The following ARHGAP24 variants were observed in gnomAD, a reference collection of about 807,000 sequenced individuals.
ARHGAP24 encodes the protein rho GTPase-activating protein 24.
ARHGAP24 carries 50 observed loss-of-function variants against 76.4 expected under a neutral mutation model. That is an observed-to-expected ratio of 0.65 (90% CI 0.52 to 0.83). ARHGAP24 has a LOEUF of 0.83. ARHGAP24 is among the 40% of genes least tolerant of loss of function. The pLI is 0.00. For missense variants in ARHGAP24, 930 were observed against 914.2 expected (o/e 1.02, Z -0.22); for synonymous variants, 345 against 323.3 (o/e 1.07, Z -0.72).
At chr4:85,819,288 C>A (rs1271523891) in intron 3 of ARHGAP24, among the ~76,000 whole-genome samples, 1 of 152,182 alleles carries the variant, frequency 6.6e-6, no homozygotes, top group East Asian at 1.9e-4. Flanking sequence ...CATATAATGA[C>A]AACTCTTTAG....
intron 3 of ARHGAP24, among the ~76,000 whole-genome samples, chr4:85,725,974 A>C (rs910306414): frequency 2.0e-5 from 3 of 152,186 alleles, no homozygotes; most frequent in African/African-American, 7.2e-5. Context: ...GTTCTAACAC[A>C]CATCAAAATT....
intron 6 of ARHGAP24, among the ~76,000 whole-genome samples, chr4:85,974,161 G>A (rs1238319325): frequency 6.6e-6 from 1 of 151,882 alleles, no homozygotes. Context: ...CGGCCTAACT[G>A]CTGCCTATTT....
chr4:85,658,328 A>T (rs778530996), intron 2 of ARHGAP24, among the ~76,000 whole-genome samples: 1 of 152,136 alleles, frequency 6.6e-6, no homozygotes, highest in Non-Finnish European at 1.5e-5. Context: ...TTGGAAATTT[A>T]TTACTTTAGA....
At chr4:85,513,981 T>C (rs79753129) in intron 1 of ARHGAP24, among the ~76,000 whole-genome samples, 3,059 of 152,308 alleles carry the variant, frequency 0.02, 97 homozygotes, top group African/African-American at 0.069. Context: ...GTTTCTTCTC[T>C]TATAAAAGGT....
At chr4:85,558,790 T>G (rs376825986) in intron 1 of ARHGAP24, among the ~76,000 whole-genome samples, 6 of 152,324 alleles carry the variant, frequency 3.9e-5, no homozygotes, top group African/African-American at 1.4e-4. Context: ...ACCTCGGGGT[T>G]TTCATTTGAA....
In ARHGAP24 at chr4:85,739,728, G is replaced by A. The variant is rs1479914143; in HGVS notation, c.268+17756G>A. On this transcript the variant is annotated intron_variant, in intron 3 of 9. Coordinates refer to ENST00000395184, the MANE Select transcript of ARHGAP24 (RefSeq NM_001025616.3). ...TGCAAGCTCCGCCTCCCGGGTTCAC[G>A]CCATTCTCCTGCCTCAGCCTCCCGA... is the stretch of plus-strand genomic sequence containing the variant. Among the ~76,000 whole-genome samples the A allele has an allele frequency of 3.2e-4, 2 of 6,238 alleles. 1 individual carries two copies. The highest frequency in any genetic ancestry group is 3.4e-4 in the African/African-American group (2 of 5,908). 4.1% of individuals were successfully genotyped at this position (6,238 alleles called of 152,430 possible).
chr4:85,491,938 C>A (rs753679877), intron 1 of ARHGAP24, among the ~76,000 whole-genome samples: 27 of 152,140 alleles, frequency 1.8e-4, no homozygotes, highest in Admixed American at 2.6e-4. Flanking sequence ...AAGTGATAGG[C>A]CCCTTCCTCT....
At chr4:85,655,806 G>A (rs1316976018) in intron 2 of ARHGAP24, among the ~76,000 whole-genome samples, 1 of 79,614 alleles carries the variant, frequency 1.3e-5, no homozygotes, top group African/African-American at 6.8e-5. Flanking sequence ...GAGAGAGAGA[G>A]AGAGAGAGAG....
intron 2 of ARHGAP24, among the ~76,000 whole-genome samples, chr4:85,677,158 G>A (rs545739992): frequency 9.8e-5 from 15 of 152,348 alleles, no homozygotes; most frequent in African/African-American, 3.6e-4. Context: ...ATTAGCAACA[G>A]ACACACATGC....
intron 3 of ARHGAP24, among the ~76,000 whole-genome samples, chr4:85,848,221 A>G (rs1329027800): frequency 6.6e-6 from 1 of 152,216 alleles, no homozygotes; most frequent in Non-Finnish European, 1.5e-5. Context: ...TCTAGGGTAC[A>G]TGTGCACAAC....
intron 3 of ARHGAP24, among the ~76,000 whole-genome samples, chr4:85,830,794 C>G (rs1359379706): frequency 6.6e-6 from 1 of 152,192 alleles, no homozygotes; most frequent in African/African-American, 2.4e-5. Flanking sequence ...CCACAGTGTT[C>G]TGACAGTCAC....
chr4:85,718,225 T>C (rs1449636486), intron 2 of ARHGAP24, among the ~76,000 whole-genome samples: 2 of 152,120 alleles, frequency 1.3e-5, no homozygotes, highest in Non-Finnish European at 2.9e-5. Flanking sequence ...GATGTTAAAG[T>C]ATGTATACTC....
intron 1 of ARHGAP24, among the ~76,000 whole-genome samples, chr4:85,490,774 T>C (rs1723320335): frequency 6.6e-6 from 1 of 152,176 alleles, no homozygotes; most frequent in Non-Finnish European, 1.5e-5. Flanking sequence ...TGACTAGTAT[T>C]TGATGGAATC....
chr4:85,836,222 G>A (rs1017115851), intron 3 of ARHGAP24, among the ~76,000 whole-genome samples: 1 of 152,202 alleles, frequency 6.6e-6, no homozygotes, highest in African/African-American at 2.4e-5. Flanking sequence ...GTGTCACAGA[G>A]TAGGAGAATG....
At chr4:85,929,427 G>T (rs1368960756) in intron 4 of ARHGAP24, among the ~76,000 whole-genome samples, 2 of 152,156 alleles carry the variant, frequency 1.3e-5, no homozygotes, top group Non-Finnish European at 2.9e-5. Flanking sequence ...AGGCCTTGGG[G>T]GTCAGTTGGG....
intron 3 of ARHGAP24, among the ~76,000 whole-genome samples, chr4:85,750,765 G>A (rs13121597): frequency 0.23 from 34,256 of 151,718 alleles, 4,382 homozygotes; most frequent in East Asian, 0.54. Context: ...CCCAAAGTGC[G>A]GGGATTACAG....
chr4:85,599,572 ATAACCACACTTTGATGTTGATG>A (rs1337928580), intron 2 of ARHGAP24, among the ~76,000 whole-genome samples: 3 of 152,172 alleles, frequency 2.0e-5, no homozygotes, highest in Non-Finnish European at 4.4e-5. Flanking sequence ...TGTTATATTA[ATAACCACACTTTGATGTTGATG>A]TAACAGCATG....
intron 4 of ARHGAP24, among the ~76,000 whole-genome samples, chr4:85,939,695 G>A (rs546483247): frequency 6.6e-6 from 1 of 151,980 alleles, no homozygotes; most frequent in African/African-American, 2.4e-5. Context: ...GCTTCCTTGG[G>A]TTGTTGGGGA....
At chr4:85,631,242 C>A (rs1380540928) in intron 2 of ARHGAP24, among the ~76,000 whole-genome samples, 2 of 152,074 alleles carry the variant, frequency 1.3e-5, no homozygotes, top group Non-Finnish European at 2.9e-5. Flanking sequence ...GAATAGATAT[C>A]TTTAAGCTAG....
Sources: gnomAD v4.1 joint callset for allele counts (sites outside exome capture counted in the v4.1 genomes callset) on GRCh38, gnomAD v4.1.1 for gene constraint, MANE v1.5 for transcripts, NCBI Gene and HGNC (gene_info 2026-07-23, HGNC 2026-07-21) for gene names.